Variants in THSD4 observed in about 807,000 individuals in gnomAD.
The protein encoded by THSD4 is thrombospondin type 1 domain containing 4.
THSD4 carries 69 observed loss-of-function variants against 119.0 expected under a neutral mutation model. That is an observed-to-expected ratio of 0.58 (90% CI 0.48 to 0.71). The LOEUF (loss-of-function observed/expected upper bound fraction) is 0.71, where lower values mean the gene tolerates loss of function less well. Among genes scored for constraint, THSD4 ranks in the 30% least tolerant of loss-of-function variants. The pLI, the probability that THSD4 is intolerant of heterozygous loss-of-function variation, is 0.00. For synonymous variants in THSD4, 524 were observed against 540.4 expected (o/e 0.97, Z 0.42); for missense variants, 1,393 against 1,391.1 (o/e 1.00, Z -0.02).
chr15:71,415,663 G>T (rs6494921), intron 7 of THSD4, among the ~76,000 whole-genome samples: 2 of 151,806 alleles, frequency 1.3e-5, no homozygotes, highest in Admixed American at 6.6e-5. Flanking sequence ...CATTAACTAT[G>T]CTCACCTCCC....
chr15:71,248,069 C>T (rs975286610), intron 5 of THSD4, among the ~76,000 whole-genome samples: 3 of 152,130 alleles, frequency 2.0e-5, no homozygotes, highest in African/African-American at 4.8e-5. Context: ...GGCCAGAGGC[C>T]AGGAGTTCAA....
chr15:71,552,539 A>G (rs1459480752), intron 7 of THSD4, among the ~76,000 whole-genome samples: 1 of 152,232 alleles, frequency 6.6e-6, no homozygotes, highest in Non-Finnish European at 1.5e-5. Flanking sequence ...TAGTATCTAA[A>G]ATAGCCAGTC....
At chr15:71,569,727 C>T (rs764953147) in intron 7 of THSD4, among the ~76,000 whole-genome samples, 55 of 152,334 alleles carry the variant, frequency 3.6e-4, no homozygotes, top group Non-Finnish European at 5.9e-4. Context: ...GGTGCGGTAG[C>T]TTAGGCCTGT....
At chr15:71,231,350 A>G (rs1391393366) in intron 4 of THSD4, among the ~76,000 whole-genome samples, 1 of 152,118 alleles carries the variant, frequency 6.6e-6, no homozygotes, top group African/African-American at 2.4e-5. Context: ...CATGGAACTC[A>G]CATCCTGGGA....
chr15:71,424,778 G>C (rs558238909), intron 7 of THSD4, among the ~76,000 whole-genome samples: 5 of 152,234 alleles, frequency 3.3e-5, no homozygotes, highest in African/African-American at 1.2e-4. Context: ...CTGTTTTTAA[G>C]TGTTCCAAAA....
intron 3 of THSD4, among the ~76,000 whole-genome samples, chr15:71,204,184 C>T (rs72759622): frequency 0.031 from 4,694 of 152,280 alleles, 99 homozygotes; most frequent in Middle Eastern, 0.092. Flanking sequence ...GGCACATGCC[C>T]TGTGTTATTT....
chr15:71,672,488 T>C (rs1286689196), intron 8 of THSD4, among the ~76,000 whole-genome samples: 5 of 152,210 alleles, frequency 3.3e-5, no homozygotes, highest in South Asian at 2.1e-4. Flanking sequence ...TTTCTTTCTC[T>C]GGCCTGATTG....
At chr15:71,329,025 G>A (rs1325071425) in intron 6 of THSD4, among the ~76,000 whole-genome samples, 1 of 152,110 alleles carries the variant, frequency 6.6e-6, no homozygotes, top group East Asian at 1.9e-4. Context: ...AGAGCCATTT[G>A]TCTTATTTTA....
At chr15:71,438,137 C>T (rs1316015355) in intron 7 of THSD4, among the ~76,000 whole-genome samples, 7 of 152,270 alleles carry the variant, frequency 4.6e-5, no homozygotes, top group Middle Eastern at 6.8e-3. Flanking sequence ...TCCTCGCCCT[C>T]GCCCTCACCC....
chr15:71,109,733 A>G (rs1197022543), intron 1 of THSD4, among the ~76,000 whole-genome samples: 3 of 74,218 alleles, frequency 4.0e-5, no homozygotes, highest in African/African-American at 6.4e-5. Flanking sequence ...CTAAAAGAGA[A>G]AAAAAAAAAA....
chr15:71,701,983 C>G (rs1460138103), intron 8 of THSD4, among the ~76,000 whole-genome samples: 1 of 152,210 alleles, frequency 6.6e-6, no homozygotes, highest in African/African-American at 2.4e-5. Context: ...TGCTGCACAG[C>G]CTATAAATCA....
At chr15:71,407,760 G>A (rs572562644) in intron 6 of THSD4, among the ~76,000 whole-genome samples, 4 of 152,044 alleles carry the variant, frequency 2.6e-5, no homozygotes, top group African/African-American at 7.3e-5. Context: ...CTTCCAAGTC[G>A]GCTCACTGAT....
chr15:71,385,766 G>C (rs1469963994), intron 6 of THSD4, among the ~76,000 whole-genome samples: 1 of 152,158 alleles, frequency 6.6e-6, no homozygotes, highest in Non-Finnish European at 1.5e-5. Flanking sequence ...AAATATGGAG[G>C]CTTTCTCAAA....
At chr15:71,652,667 G>T (rs572913426) in intron 7 of THSD4, among the ~76,000 whole-genome samples, 19 of 152,278 alleles carry the variant, frequency 1.2e-4, no homozygotes, top group African/African-American at 4.6e-4. Flanking sequence ...CATAGCTGCA[G>T]TTGATTCTTA....
intron 6 of THSD4, among the ~76,000 whole-genome samples, chr15:71,310,649 G>T (rs1388701662): frequency 6.6e-6 from 1 of 152,130 alleles, no homozygotes; most frequent in East Asian, 1.9e-4. Context: ...ATGGAGGGGG[G>T]TTCTTATGAC....
At chr15:71,441,427 G>A (rs1424170908) in intron 7 of THSD4, among the ~76,000 whole-genome samples, 3 of 123,754 alleles carry the variant, frequency 2.4e-5, no homozygotes, top group African/African-American at 8.9e-5. Flanking sequence ...TTGAGATGGA[G>A]TCTTGCTCTT....
intron 3 of THSD4, among the ~76,000 whole-genome samples, chr15:71,199,693 GTGTGTGGTGT>G (rs2043766519): frequency 1.3e-5 from 1 of 77,974 alleles, no homozygotes; most frequent in African/African-American, 4.9e-5. Context: ...TGTGTGTGGT[GTGTGTGGTGT>G]CTGGGTGTGT....
At chr15:71,172,678 T>TATAC (rs1401519955) in intron 3 of THSD4, among the ~76,000 whole-genome samples, 2 of 51,652 alleles carry the variant, frequency 3.9e-5, no homozygotes, top group South Asian at 8.3e-4. Context: ...AAAATAGACC[T>TATAC]ATACATATAT....
At chr15:71,276,731 T>C (rs1448777017) in intron 6 of THSD4, among the ~76,000 whole-genome samples, 1 of 152,266 alleles carries the variant, frequency 6.6e-6, no homozygotes, top group Non-Finnish European at 1.5e-5. Context: ...TACAAATGCC[T>C]GTATGCATTC....
Sources: allele counts gnomAD v4.1 joint callset (sites outside exome capture counted in the v4.1 genomes callset), GRCh38; gene constraint gnomAD v4.1.1; transcripts MANE v1.5; gene names NCBI Gene and HGNC (gene_info 2026-07-23, HGNC 2026-07-21).